Variants in CASTOR2 observed in about 807,000 individuals in gnomAD.
CASTOR2 encodes the protein GATS protein like 2.
A neutral mutation model predicts 31.2 loss-of-function variants in CASTOR2; 8 were observed. That is an observed-to-expected ratio of 0.26 (90% confidence interval 0.15 to 0.46). The LOEUF is 0.46. Among genes scored for constraint, CASTOR2 ranks in the 20% least tolerant of loss-of-function variants. CASTOR2 has a pLI of 0.99. For missense variants in CASTOR2, 216 were observed against 382.1 expected (o/e 0.57, Z 3.62); for synonymous variants, 162 against 158.7 (o/e 1.02, Z -0.16).
intron 4 of CASTOR2, 76 bp downstream of exon 4, chr7:75,018,198 T>G (rs1205115517): frequency 1.3e-6 from 2 of 1,566,618 alleles, no homozygotes; most frequent in African/African-American, 2.7e-5. Flanking sequence ...AGCCTTACTC[T>G]CAGCACGGGC....
chr7:74,964,823 C>A lies in CASTOR2; in HGVS notation c.-163C>A, dbSNP rs1336606901. The stretch of plus-strand genomic sequence containing the variant: ...TCCCCCTTGCAACTTGGCGGGCCTC[C>A]TCCCTTTTGTCCGGCCCGGCCCGGC... On this transcript the variant is annotated 5_prime_UTR_variant, in exon 1 of 9. Transcript: ENST00000616305. 7.3e-5 allele frequency: 4 copies of A among 54,984 alleles called. No individual in the cohort carries two copies. Among genetic ancestry groups the A allele is most frequent in the African/African-American group, 2.9e-4 (4 of 13,774 alleles). 3.4% of individuals were successfully genotyped at this position (54,984 alleles called of 1,614,324 possible). A position where few individuals can be genotyped will look rare whatever the true frequency, so the allele number is the denominator to read the frequency against.
chr7:75,017,002 A>C (rs1450357417), intron 2 of CASTOR2, among the ~76,000 whole-genome samples: 1 of 152,218 alleles, frequency 6.6e-6, no homozygotes, highest in African/African-American at 2.4e-5. Context: ...TGCCATCTCT[A>C]CTAAAAATAC....
At position 75,025,978 on chromosome 7, in the gene CASTOR2, C is replaced by G. The variant is rs1442228383; in HGVS notation, c.*1279C>G. Among the ~76,000 whole-genome samples, 2 of 152,268 alleles carry G rather than the reference C, an allele frequency of 1.3e-5. No homozygotes were observed. Among genetic ancestry groups the G allele is most frequent in the African/African-American group, 4.8e-5 (2 of 41,566 alleles). ...AGACGCTGGAGCCGCTGGCACCCCA[C>G]ATGGGAACTCCCACCAACCAGCTGT... is the stretch of plus-strand genomic sequence containing the variant. On this transcript the variant is annotated 3_prime_UTR_variant, in exon 9 of 9. Coordinates refer to ENST00000616305, the MANE Select transcript of CASTOR2 (RefSeq NM_001145064.3).
At chr7:74,972,046 A>G (rs1170215552) in intron 1 of CASTOR2, among the ~76,000 whole-genome samples, 1 of 150,182 alleles carries the variant, frequency 6.7e-6, no homozygotes, top group Non-Finnish European at 1.5e-5. Context: ...TGGCACCATC[A>G]TAGCTCACTG....
At chr7:74,990,584 G>A (rs1181708302) in intron 1 of CASTOR2, among the ~76,000 whole-genome samples, 45 of 152,266 alleles carry the variant, frequency 3.0e-4, no homozygotes, top group African/African-American at 1.1e-3. Context: ...GCTAGGTGCG[G>A]TGGCTCACGC....
rs1394895510 is a variant in CASTOR2, at chr7:75,031,112, T to C, written c.*6413T>C. ...AGTTCCCTCTAAAAGAGTAGGGAGC[T>C]GATAACAGTCCCAAGCCCTCCTCTT... On this transcript the variant is annotated 3_prime_UTR_variant, in exon 9 of 9. Transcript: ENST00000616305. 6.6e-6 allele frequency among the ~76,000 whole-genome samples: 1 copy of C among 152,202 alleles called. No individual in the cohort carries two copies. The highest frequency in any genetic ancestry group is 1.5e-5 in the Non-Finnish European group (1 of 68,034).
Position 75,029,675 on chromosome 7 carries a change from AG to A in CASTOR2, c.*4977del, listed in dbSNP as rs1388201064. Among the ~76,000 whole-genome samples, 1 of 152,100 alleles carries A rather than the reference AG, an allele frequency of 6.6e-6. No homozygotes were observed. The highest frequency in any genetic ancestry group is 1.5e-5 in the Non-Finnish European group (1 of 68,010). On this transcript the variant is annotated 3_prime_UTR_variant, in exon 9 of 9. Transcript: ENST00000616305. ...ATTTTTGACGCCACTTCCTGAGTGAAGCGCTTTGCATGGGGATGGGAAGAAG... is the reference window on the plus strand; with the variant it reads ...ATTTTTGACGCCACTTCCTGAGTGAACGCTTTGCATGGGGATGGGAAGAAG...
At chr7:74,997,944 T>C (rs1171308410) in intron 1 of CASTOR2, among the ~76,000 whole-genome samples, 1 of 152,130 alleles carries the variant, frequency 6.6e-6, no homozygotes, top group Non-Finnish European at 1.5e-5. Flanking sequence ...GATGGGCGTC[T>C]GGGCTGTGGC....
chr7:75,024,708 CTT>C lies in CASTOR2; in HGVS notation c.*10_*11del. On this transcript the variant is annotated 3_prime_UTR_variant, in exon 9 of 9. Coordinates refer to ENST00000616305, the MANE Select transcript of CASTOR2 (RefSeq NM_001145064.3). ...AAGCAGAGAAGCACTAGAAGGGTCT[CTT>C]CTGCTCCTCCCTGCCGCCGCCCGGG... 6.4e-7 allele frequency: 1 copy of C among 1,551,622 alleles called. No individual in the cohort carries two copies. Among genetic ancestry groups the C allele is most frequent in the Non-Finnish European group, 8.7e-7 (1 of 1,146,848 alleles).
chr7:74,993,129 G>T lies in CASTOR2; in HGVS notation c.114-14865G>T, dbSNP rs368749810. Among the ~76,000 whole-genome samples the T allele has an allele frequency of 2.2e-3, 332 of 152,124 alleles. 6 individuals are homozygous for T. Among genetic ancestry groups the T allele is most frequent in the East Asian group, 0.02 (103 of 5,130 alleles). On this transcript the variant is annotated intron_variant, in intron 1 of 8. Coordinates refer to ENST00000616305, the MANE Select transcript of CASTOR2 (RefSeq NM_001145064.3). ...GCAGGAGAATGGCGTGAACCCAGGAGGGGGATGTTGCATGAGCAGAGATCG... is the reference window on the plus strand; with the variant it reads ...GCAGGAGAATGGCGTGAACCCAGGATGGGGATGTTGCATGAGCAGAGATCG...
rs1317078483 is a variant in CASTOR2 at position 75,027,652 on chromosome 7, G to T, written c.*2953G>T. 1 of 280,270 alleles carries T rather than the reference G, an allele frequency of 3.6e-6. No homozygotes were observed. The highest frequency in any genetic ancestry group is 6.8e-6 in the Non-Finnish European group (1 of 146,102). 17.4% of individuals were successfully genotyped at this position (280,270 alleles called of 1,614,324 possible). ...GGCCAGGGTATGGCTCTCCGCCCTG[G>T]CTGGCTCTGCAGGGGTGGTCCCTGT... On this transcript the variant is annotated 3_prime_UTR_variant, in exon 9 of 9. Transcript: ENST00000616305.
At chr7:75,004,394 A>G (rs1804563290) in intron 1 of CASTOR2, among the ~76,000 whole-genome samples, 1 of 151,770 alleles carries the variant, frequency 6.6e-6, no homozygotes, top group African/African-American at 2.4e-5. Flanking sequence ...TTCCAGCAGA[A>G]TGCCTTACGC....
intron 1 of CASTOR2, among the ~76,000 whole-genome samples, chr7:75,006,711 C>T (rs1308093344): frequency 6.6e-6 from 1 of 152,118 alleles, no homozygotes; most frequent in Admixed American, 6.6e-5. Context: ...TACTGTTCTC[C>T]TGGCAGTGAA....
intron 1 of CASTOR2, among the ~76,000 whole-genome samples, chr7:74,979,385 T>G (rs1465114829): frequency 6.7e-6 from 1 of 148,744 alleles, no homozygotes; most frequent in South Asian, 2.1e-4. Context: ...GTGTCTGATG[T>G]TCCCATATTT....
At chr7:75,014,734 C>A (rs1347184739) in intron 2 of CASTOR2, among the ~76,000 whole-genome samples, 1 of 152,240 alleles carries the variant, frequency 6.6e-6, no homozygotes, top group Non-Finnish European at 1.5e-5. Context: ...CAGCAGCCGC[C>A]TCTTCCCCCA....
rs1261092388 is a variant in CASTOR2, at chr7:75,020,062, G to T, written c.659G>T (p.Gly220Val). 1.9e-6 allele frequency: 3 copies of T among 1,551,298 alleles called. No homozygotes were observed. Among genetic ancestry groups the T allele is most frequent in the Non-Finnish European group, 2.6e-6 (3 of 1,146,832 alleles). Residue 220 changes from glycine to valine, a missense_variant, in exon 6 of 9, where the codon GGG becomes GTG. Around this residue, in one of 5 missense-constraint regions of CASTOR2, gnomAD observed 44 missense variants for 57.5 expected, o/e 0.76. Transcript: ENST00000616305. ...AGAGTGAAGGACCCCATGGCCACTG[G>T]GGATGACTGCGGCCACATCCGCTTC... Reference protein sequence around the residue: ...SNGVKDPMATGDDCGHIRFFS... With the variant: ...SNGVKDPMATVDDCGHIRFFS...
intron 1 of CASTOR2, among the ~76,000 whole-genome samples, chr7:74,991,301 C>T (rs1353253839): frequency 5.1e-4 from 78 of 152,068 alleles, no homozygotes; most frequent in Non-Finnish European, 1.5e-5. Flanking sequence ...GGATTGCCCA[C>T]GCTAGTCATC....
intron 1 of CASTOR2, among the ~76,000 whole-genome samples, chr7:74,996,874 G>A (rs1243109335): frequency 6.6e-6 from 1 of 150,902 alleles, no homozygotes; most frequent in African/African-American, 2.4e-5. Flanking sequence ...GATTACAGGT[G>A]CCTGCCACCA....
chr7:74,995,269 A>T (rs1554437792), intron 1 of CASTOR2, among the ~76,000 whole-genome samples: 2,688 of 151,936 alleles, frequency 0.018, 31 homozygotes, highest in South Asian at 0.04. Flanking sequence ...CCAAGTATGA[A>T]ACCGACAGCT....
Sources: gnomAD v4.1 joint callset for allele counts (sites outside exome capture counted in the v4.1 genomes callset) on GRCh38, gnomAD v4.1.1 for gene constraint, gnomAD v4.1.1 regional missense constraint, MANE v1.5 for transcripts, NCBI Gene and HGNC (gene_info 2026-07-23, HGNC 2026-07-21) for gene names.